GRID2: variants seen among roughly 807,000 people sequenced by gnomAD.
The protein encoded by GRID2 is glutamate ionotropic receptor delta type subunit 2.
In GRID2, 33 loss-of-function variants were observed where a neutral mutation model predicts 114.8. That is an observed-to-expected ratio of 0.29 (90% confidence interval 0.22 to 0.38). The LOEUF (loss-of-function observed/expected upper bound fraction) is 0.38. Ranked by LOEUF, GRID2 falls within the 10% of genes least tolerant of loss-of-function variation. The pLI, the probability that GRID2 is intolerant of heterozygous loss-of-function variation, is 1.00. For missense variants in GRID2, 1,184 were observed against 1,257.7 expected (o/e 0.94, Z 0.89); for synonymous variants, 505 against 449.9 (o/e 1.12, Z -1.55).
chr4:93,499,651 G>C (rs865933017), intron 12 of GRID2, among the ~76,000 whole-genome samples: 2 of 151,744 alleles, frequency 1.3e-5, no homozygotes, highest in African/African-American at 4.8e-5. Flanking sequence ...CCTTCTCTTT[G>C]CGATTTTAAG....
At position 92,698,087 on chromosome 4, in the gene GRID2, G is replaced by C. The variant is rs1028940713; in HGVS notation, c.244+107801G>C. On this transcript the variant is annotated intron_variant, in intron 2 of 15. Transcript: ENST00000282020. ...CAAACCTCAGCTTCCTGAAGTTGGA[G>C]CTATTGTGCACGACAGAGATAACAA... Among the ~76,000 whole-genome samples, 3 of 152,254 alleles carry C rather than the reference G, an allele frequency of 2.0e-5. No individual in the cohort carries two copies. The East Asian group carries it at 5.8e-4, about 29-fold the overall frequency.
intron 4 of GRID2, among the ~76,000 whole-genome samples, chr4:93,133,545 T>G (rs904924775): frequency 6.6e-6 from 1 of 152,212 alleles, no homozygotes; most frequent in Admixed American, 6.5e-5. Context: ...TTGAGCTATA[T>G]GTTTTGAGAA....
At chr4:92,910,719 C>G (rs918402245) in intron 2 of GRID2, among the ~76,000 whole-genome samples, 21 of 152,124 alleles carry the variant, frequency 1.4e-4, no homozygotes, top group African/African-American at 5.1e-4. Flanking sequence ...ATGCTTGAGT[C>G]CCTGATATAA....
chr4:92,688,066 T>TTTTTTTTTTTTTTG (rs1352613092), intron 2 of GRID2, among the ~76,000 whole-genome samples: 1 of 134,956 alleles, frequency 7.4e-6, no homozygotes, highest in African/African-American at 2.9e-5. Flanking sequence ...TTTTTTTTTT[T>TTTTTTTTTTTTTTG]GGGATGGAGT....
chr4:92,499,022 C>A (rs1191857067), intron 1 of GRID2, among the ~76,000 whole-genome samples: 2 of 150,336 alleles, frequency 1.3e-5, no homozygotes, highest in Non-Finnish European at 3.0e-5. Context: ...TTCTTAAAAT[C>A]AAATCTAGGG....
intron 3 of GRID2, among the ~76,000 whole-genome samples, chr4:93,108,640 T>C (rs1346212046): frequency 1.3e-5 from 2 of 151,646 alleles, no homozygotes; most frequent in East Asian, 3.9e-4. Context: ...TTTTTCTTTT[T>C]TTTTTTTTGA....
intron 1 of GRID2, among the ~76,000 whole-genome samples, chr4:92,329,993 A>AACAG (rs1726795070): frequency 7.5e-6 from 1 of 132,492 alleles, no homozygotes. Flanking sequence ...TATGGGAGGA[A>AACAG]AGAGAGAGAG....
intron 8 of GRID2, among the ~76,000 whole-genome samples, chr4:93,311,745 A>G (rs13434528): frequency 0.2 from 30,246 of 152,100 alleles, 4,196 homozygotes; most frequent in African/African-American, 0.39. Context: ...TAAGGAGGGT[A>G]CTTCAAGAAG....
intron 2 of GRID2, among the ~76,000 whole-genome samples, chr4:93,058,879 T>G (rs948543683): frequency 6.6e-6 from 1 of 152,150 alleles, no homozygotes; most frequent in South Asian, 2.1e-4. Context: ...TTAAAATAAC[T>G]GCATTATAAA....
At chr4:93,422,493 C>T (rs1040292092) in intron 9 of GRID2, among the ~76,000 whole-genome samples, 3 of 151,904 alleles carry the variant, frequency 2.0e-5, no homozygotes, top group Non-Finnish European at 2.9e-5. Context: ...ATTGGTCCTC[C>T]GAGGACAGGA....
intron 2 of GRID2, among the ~76,000 whole-genome samples, chr4:92,767,570 C>T (rs1223150217): frequency 6.6e-6 from 1 of 152,010 alleles, no homozygotes; most frequent in Admixed American, 6.6e-5. Flanking sequence ...GGCTAACATG[C>T]TGAAACCCAG....
intron 14 of GRID2, among the ~76,000 whole-genome samples, chr4:93,653,593 T>G (rs901436767): frequency 2.0e-5 from 3 of 152,068 alleles, no homozygotes; most frequent in Non-Finnish European, 4.4e-5. Context: ...TGAAGAAGAA[T>G]AAACTGCCTT....
intron 8 of GRID2, among the ~76,000 whole-genome samples, chr4:93,310,215 G>T (rs1755866897): frequency 6.6e-6 from 1 of 152,070 alleles, no homozygotes; most frequent in African/African-American, 2.4e-5. Flanking sequence ...TGTTTTTATG[G>T]TTTATTAATA....
At position 93,028,329 on chromosome 4, in the gene GRID2, G is replaced by T. The variant is rs575896027; in HGVS notation, c.245-56666G>T. On this transcript the variant is annotated intron_variant, in intron 2 of 15. Coordinates refer to ENST00000282020, the MANE Select transcript of GRID2 (RefSeq NM_001510.4). ...AATGAATTGATGGTGCAAGCCTTTA[G>T]AGGGGGTGGGGATGACAAGCACCAA... 1.2e-4 allele frequency among the ~76,000 whole-genome samples: 19 copies of T among 152,210 alleles called. No individual in the cohort carries two copies. The East Asian group carries it at 2.1e-3, about 17-fold the overall frequency.
At position 92,440,902 on chromosome 4, in the gene GRID2, T is replaced by C. The variant is rs183778165; in HGVS notation, c.88+136158T>C. ...TGGGAGACTCAATAAAGAGTGAGTATAGCTGAAGGAGCCGGGAAGCAGAAA... is the reference window on the plus strand; with the variant it reads ...TGGGAGACTCAATAAAGAGTGAGTACAGCTGAAGGAGCCGGGAAGCAGAAA... On this transcript the variant is annotated intron_variant, in intron 1 of 15. Transcript: ENST00000282020. 6.0e-4 allele frequency among the ~76,000 whole-genome samples: 91 copies of C among 152,136 alleles called. 1 individual carries two copies. The South Asian group carries it at 6.6e-3, about 11-fold the overall frequency.
intron 2 of GRID2, among the ~76,000 whole-genome samples, chr4:92,675,056 T>C (rs6824925): frequency 0.061 from 9,287 of 152,252 alleles, 343 homozygotes; most frequent in East Asian, 0.16. Context: ...ACTTATTTCC[T>C]CCTTTTAAAA....
At chr4:92,843,597 T>G (rs1743074773) in intron 2 of GRID2, among the ~76,000 whole-genome samples, 1 of 152,186 alleles carries the variant, frequency 6.6e-6, no homozygotes, top group Non-Finnish European at 1.5e-5. Flanking sequence ...GAGAAGATAC[T>G]GCTTTACCCT....
intron 14 of GRID2, among the ~76,000 whole-genome samples, chr4:93,638,208 T>C (rs1721592470): frequency 6.6e-6 from 1 of 152,058 alleles, no homozygotes; most frequent in Non-Finnish European, 1.5e-5. Context: ...AGCTCTTTAT[T>C]TTTTAAATGT....
chr4:93,561,323 T>G (rs903865307), intron 13 of GRID2, among the ~76,000 whole-genome samples: 3 of 152,170 alleles, frequency 2.0e-5, no homozygotes, highest in African/African-American at 7.2e-5. Flanking sequence ...AGAGCCCTAA[T>G]AATGCACACC....
Sources: allele counts gnomAD v4.1 joint callset (sites outside exome capture counted in the v4.1 genomes callset), GRCh38; gene constraint gnomAD v4.1.1; transcripts MANE v1.5; gene names NCBI Gene and HGNC (gene_info 2026-07-23, HGNC 2026-07-21).